The following GCNT2 variants were observed in gnomAD, a reference collection of about 807,000 sequenced individuals.
GCNT2 encodes glucosaminyl (N-acetyl) transferase 2 (I blood group).
A neutral mutation model predicts 34.2 loss-of-function variants in GCNT2; 34 were observed. The ratio of observed to expected loss-of-function variants is 1.00; its 90% CI spans 0.76 to 1.32. GCNT2 has a LOEUF of 1.32. Ranked by LOEUF, GCNT2 falls within the 40% of genes most tolerant of loss-of-function variation. GCNT2 has a pLI of 0.00. For missense variants in GCNT2, 584 were observed against 489.4 expected (o/e 1.19, Z -1.82); for synonymous variants, 212 against 188.0 (o/e 1.13, Z -1.04).
chr6:10,574,027 G>T (rs115932059), intron 3 of GCNT2, among the ~76,000 whole-genome samples: 1 of 152,336 alleles, frequency 6.6e-6, no homozygotes, highest in East Asian at 1.9e-4. Flanking sequence ...GATTTGTCAC[G>T]TACTAATTAC....
At position 10,582,635 on chromosome 6, in the gene GCNT2, T is replaced by C. The variant is rs903834609; in HGVS notation, c.926-38716T>C. Among the ~76,000 whole-genome samples the C allele has an allele frequency of 2.1e-5, 3 of 144,680 alleles. No homozygotes were observed. The South Asian group carries it at 6.4e-4, about 31-fold the overall frequency. The allele number at this position is 144,680 out of a possible 152,430, so 94.9% of individuals were successfully genotyped here. Reference sequence around the variant, plus strand: ...ATAAATATATATATTTTTTTTCCCATGGGCTAAAGGGGAGGCAGTGATGGG... The same window carrying C: ...ATAAATATATATATTTTTTTTCCCACGGGCTAAAGGGGAGGCAGTGATGGG... On this transcript the variant is annotated intron_variant, in intron 3 of 4. Coordinates refer to ENST00000495262, the MANE Select transcript of GCNT2 (RefSeq NM_145649.5).
chr6:10,526,070 GA>G (rs1761169145), intron 1 of GCNT2, among the ~76,000 whole-genome samples: 1 of 152,182 alleles, frequency 6.6e-6, no homozygotes, highest in African/African-American at 2.4e-5. Flanking sequence ...AGGGTCTAAA[GA>G]GACGTTAAAA....
Position 10,548,783 on chromosome 6 carries a change from C to T in GCNT2, c.925+18947C>T, listed in dbSNP as rs550490376. Among the ~76,000 whole-genome samples, 62 of 149,790 alleles carry T rather than the reference C, an allele frequency of 4.1e-4. No individual in the cohort carries two copies. The South Asian group carries it at 4.8e-3, about 12-fold the overall frequency. ...TGGAGACCTTTTTTTTTTTTTGAGA[C>T]GAAGTCTCGCTGTCACCCAGACTGG... On this transcript the variant is annotated intron_variant, in intron 3 of 4. Transcript: ENST00000495262.
chr6:10,569,660 C>T (rs1324525351), intron 3 of GCNT2, among the ~76,000 whole-genome samples: 1 of 152,240 alleles, frequency 6.6e-6, no homozygotes, highest in African/African-American at 2.4e-5. Flanking sequence ...GTTCTTCAAC[C>T]CAAGGTCCAA....
At chr6:10,544,970 AAATAAATAAATG>A (rs963883575) in intron 3 of GCNT2, among the ~76,000 whole-genome samples, 3 of 151,972 alleles carry the variant, frequency 2.0e-5, no homozygotes, top group Non-Finnish European at 4.4e-5. Context: ...ATAAATAAAT[AAATAAATAAATG>A]AGGTGGTCAG....
In GCNT2 at chr6:10,563,795, T is replaced by C. The variant is rs553577864; in HGVS notation, c.925+33959T>C. ...AAAAAAAAATATATATATATATATATATATATATATATATGACTTGTCCAA... is the reference window on the plus strand; with the variant it reads ...AAAAAAAAATATATATATATATATACATATATATATATATGACTTGTCCAA... On this transcript the variant is annotated intron_variant, in intron 3 of 4. Coordinates refer to ENST00000495262, the MANE Select transcript of GCNT2 (RefSeq NM_145649.5). Among the ~76,000 whole-genome samples the C allele has an allele frequency of 6.1e-4, 82 of 135,294 alleles. 5 individuals carry two copies. The South Asian group carries it at 0.014, about 23-fold the overall frequency. 88.8% of individuals were successfully genotyped at this position (135,294 alleles called of 152,430 possible). A position where few individuals can be genotyped will look rare whatever the true frequency, so the allele number is the denominator to read the frequency against.
At chr6:10,602,605 G>A (rs961496323) in intron 3 of GCNT2, among the ~76,000 whole-genome samples, 1 of 152,114 alleles carries the variant, frequency 6.6e-6, no homozygotes, top group Non-Finnish European at 1.5e-5. Context: ...ATTTACCATT[G>A]ACCTTAAACA....
chr6:10,556,851 G>T, intron 3 of GCNT2: 3 of 1,614,192 alleles, frequency 1.9e-6, no homozygotes, highest in Non-Finnish European at 2.5e-6. Flanking sequence ...CAACTATTAA[G>T]CTGCTTCCCA....
At chr6:10,550,673 A>C (rs948796924) in intron 3 of GCNT2, among the ~76,000 whole-genome samples, 10 of 152,028 alleles carry the variant, frequency 6.6e-5, no homozygotes, top group African/African-American at 2.4e-4. Flanking sequence ...TGTAATGACA[A>C]GGTCTCACTA....
rs55639937 is a variant in GCNT2 at position 10,575,358 on chromosome 6, A to AT, written c.925+45541dup. On this transcript the variant is annotated intron_variant, in intron 3 of 4. Coordinates refer to ENST00000495262, the MANE Select transcript of GCNT2 (RefSeq NM_145649.5). ...GTTCTGGCCAAAAGGCTGGGTTGAC[A>AT]TTTTTTTTTTTTTTTTTTTGGAGAT... The AT allele has an allele frequency of 8.8e-3, 1,218 of 137,966 alleles. 4 individuals are homozygous for AT. Among genetic ancestry groups the AT allele is most frequent in the Middle Eastern group, 0.035 (10 of 284 alleles). The allele number at this position is 137,966 out of a possible 1,614,324, so 8.5% of individuals were successfully genotyped here. A position where few individuals can be genotyped will look rare whatever the true frequency, so the allele number is the denominator to read the frequency against.
intron 3 of GCNT2, among the ~76,000 whole-genome samples, chr6:10,620,816 C>G (rs888425050): frequency 1.3e-5 from 2 of 152,202 alleles, no homozygotes; most frequent in African/African-American, 2.4e-5. Context: ...CACAGTGTTT[C>G]TCAAATGGGG....
intron 3 of GCNT2, among the ~76,000 whole-genome samples, chr6:10,598,733 T>A (rs1236551876): frequency 6.6e-6 from 1 of 152,160 alleles, no homozygotes; most frequent in African/African-American, 2.4e-5. Context: ...ACAAGGCTAG[T>A]GTAGTGTATT....
At chr6:10,582,242 A>T (rs1764115082) in intron 3 of GCNT2, among the ~76,000 whole-genome samples, 4 of 121,304 alleles carry the variant, frequency 3.3e-5, no homozygotes, top group African/African-American at 1.3e-4. Flanking sequence ...TTAAATATAT[A>T]AAATATATAT....
intron 3 of GCNT2, among the ~76,000 whole-genome samples, chr6:10,551,189 C>G (rs547098843): frequency 6.6e-6 from 1 of 152,166 alleles, no homozygotes; most frequent in Non-Finnish European, 1.5e-5. Context: ...TGCGCCTTAA[C>G]ATTTGCCTAT....
chr6:10,522,190 A>G (rs1760946305), intron 1 of GCNT2, among the ~76,000 whole-genome samples: 1 of 152,030 alleles, frequency 6.6e-6, no homozygotes, highest in South Asian at 2.1e-4. Flanking sequence ...CCACAGCCTG[A>G]AATGTATTTT....
chr6:10,552,740 A>G (rs1015369375), intron 3 of GCNT2, among the ~76,000 whole-genome samples: 1 of 152,194 alleles, frequency 6.6e-6, no homozygotes. Flanking sequence ...ACGCTGTCCA[A>G]AATGAATTGG....
At chr6:10,575,174 A>G in intron 3 of GCNT2, 1 of 408,108 alleles carries the variant, frequency 2.5e-6, no homozygotes, top group Non-Finnish European at 4.7e-6. Flanking sequence ...GTTTTCTAAA[A>G]GGCTTAGAGA....
intron 3 of GCNT2, among the ~76,000 whole-genome samples, chr6:10,582,204 A>G (rs1322717819): frequency 4.7e-5 from 6 of 127,402 alleles, no homozygotes; most frequent in Non-Finnish European, 6.2e-5. Context: ...TAATATATAA[A>G]ATTTATTATA....
At chr6:10,557,488 A>ATTT in intron 3 of GCNT2, 1 of 674,844 alleles carries the variant, frequency 1.5e-6, no homozygotes, top group African/African-American at 1.8e-5. Context: ...ATGCAGAAAG[A>ATTT]TGTTCTTTTT....
Sources: gnomAD v4.1 joint callset for allele counts (sites outside exome capture counted in the v4.1 genomes callset) on GRCh38, gnomAD v4.1.1 for gene constraint, MANE v1.5 for transcripts, NCBI Gene and HGNC (gene_info 2026-07-23, HGNC 2026-07-21) for gene names.